Variants in AOPEP observed in about 807,000 individuals in gnomAD.
The protein encoded by AOPEP is aminopeptidase O.
A neutral mutation model predicts 98.1 loss-of-function variants in AOPEP; 77 were observed. The observed-to-expected ratio is 0.78, with a 90% CI of 0.65 to 0.95. The LOEUF is 0.95. Ranked by LOEUF, AOPEP falls within the 40% of genes least tolerant of loss-of-function variation. The pLI is 0.00. For missense variants in AOPEP, 1,024 were observed against 1,024.7 expected, an observed-to-expected ratio of 1.00 and a Z score of 0.01; for synonymous variants, 346 against 365.3, an observed-to-expected ratio of 0.95 and a Z score of 0.60.
intron 9 of AOPEP, among the ~76,000 whole-genome samples, chr9:94,960,929 G>A (rs1226288686): frequency 1.3e-5 from 2 of 150,518 alleles, no homozygotes; most frequent in Admixed American, 6.6e-5. Context: ...GGAGAATGGC[G>A]TGAACCCGGG....
intron 1 of AOPEP, among the ~76,000 whole-genome samples, chr9:94,732,563 T>G (rs950417283): frequency 6.6e-6 from 1 of 152,222 alleles, no homozygotes; most frequent in Non-Finnish European, 1.5e-5. Flanking sequence ...CTATTGGTGT[T>G]TAATAATGAT....
At chr9:94,732,914 A>G (rs1026977812) in intron 1 of AOPEP, among the ~76,000 whole-genome samples, 2 of 152,182 alleles carry the variant, frequency 1.3e-5, no homozygotes, top group African/African-American at 4.8e-5. Flanking sequence ...GCTGTCTGCA[A>G]TCTTGGCCAA....
At chr9:95,101,949 G>T in the AOPEP span, 1 of 1,353,424 alleles carries the variant, frequency 7.4e-7, no homozygotes. Flanking sequence ...CCTGAAAGAA[G>T]CCCTATCCAG....
At position 95,012,989 on chromosome 9, in the gene AOPEP, G is replaced by GC. The variant is rs577606482; in HGVS notation, c.2115+7373_2115+7374insC. Among the ~76,000 whole-genome samples the GC allele has an allele frequency of 9.2e-3, 1,079 of 117,286 alleles. 42 individuals are homozygous for GC. The highest frequency in any genetic ancestry group is 0.015 in the Non-Finnish European group (878 of 58,868). 76.9% of individuals were successfully genotyped at this position (117,286 alleles called of 152,430 possible). A position where few individuals can be genotyped will look rare whatever the true frequency, so the allele number is the denominator to read the frequency against. ...GTAGAGTTTTCCTGTTTTTTTTTTG[G>GC]GGGGGGGGGCAGGGCGATTATCTCT... On this transcript the variant is annotated intron_variant, in intron 13 of 16. Coordinates refer to ENST00000375315, the MANE Select transcript of AOPEP (RefSeq NM_001193329.3).
intron 14 of AOPEP, among the ~76,000 whole-genome samples, chr9:95,069,319 A>G (rs2068238475): frequency 6.6e-6 from 1 of 152,252 alleles, no homozygotes; most frequent in Admixed American, 6.5e-5. Context: ...AGGGCTTATT[A>G]GAGGAGGTAA....
At chr9:94,866,303 G>A (rs983954880) in intron 5 of AOPEP, among the ~76,000 whole-genome samples, 1 of 152,172 alleles carries the variant, frequency 6.6e-6, no homozygotes, top group Non-Finnish European at 1.5e-5. Flanking sequence ...GTTATGAAAT[G>A]GGGACTCTGA....
the AOPEP span, among the ~76,000 whole-genome samples, chr9:95,094,722 G>C: frequency 6.6e-6 from 1 of 152,196 alleles, no homozygotes; most frequent in East Asian, 1.9e-4. Context: ...GTGGAGTGCA[G>C]TGGCACGATC....
chr9:94,886,754 C>T (rs1459472892), intron 5 of AOPEP, among the ~76,000 whole-genome samples: 1 of 152,100 alleles, frequency 6.6e-6, no homozygotes, highest in Non-Finnish European at 1.5e-5. Flanking sequence ...AAATTAAGCT[C>T]ATAAGTCTAA....
chr9:95,126,698 C>A, the AOPEP span: 4 of 1,044,544 alleles, frequency 3.8e-6, no homozygotes, highest in South Asian at 5.3e-5. Flanking sequence ...CTGGCATACT[C>A]CTTTTGGTTA....
At chr9:95,101,771 A>G in the AOPEP span, 1 of 1,614,014 alleles carries the variant, frequency 6.2e-7, no homozygotes, top group Non-Finnish European at 8.5e-7. Flanking sequence ...AGGGCTTTCA[A>G]TGCCAAGACG....
chr9:95,032,761 G>A (rs538814786), intron 13 of AOPEP, among the ~76,000 whole-genome samples: 1 of 152,318 alleles, frequency 6.6e-6, no homozygotes, highest in African/African-American at 2.4e-5. Flanking sequence ...GACTAAGTGA[G>A]GGGAGGGTGG....
At chr9:94,943,573 G>T (rs922250658) in intron 7 of AOPEP, among the ~76,000 whole-genome samples, 1 of 138,888 alleles carries the variant, frequency 7.2e-6, no homozygotes, top group Non-Finnish European at 1.6e-5. Flanking sequence ...CAGCCTAGGC[G>T]ACAGAGTGGG....
intron 13 of AOPEP, among the ~76,000 whole-genome samples, chr9:95,049,498 A>G (rs2066150689): frequency 6.6e-6 from 1 of 152,330 alleles, no homozygotes; most frequent in East Asian, 1.9e-4. Context: ...GGTTTTCTAT[A>G]GACTATTTTC....
chr9:94,754,697 GTCAT>G (rs1836613519), intron 1 of AOPEP, among the ~76,000 whole-genome samples: 1 of 152,134 alleles, frequency 6.6e-6, no homozygotes, highest in Non-Finnish European at 1.5e-5. Context: ...ACTTAACCTG[GTCAT>G]GAACACAAAA....
At chr9:95,108,410 G>A in the AOPEP span, among the ~76,000 whole-genome samples, 3 of 152,180 alleles carry the variant, frequency 2.0e-5, no homozygotes, top group Non-Finnish European at 4.4e-5. Flanking sequence ...AAATGTCAGG[G>A]TTTAGGAGGC....
At chr9:94,854,508 T>C (rs373234492) in intron 5 of AOPEP, among the ~76,000 whole-genome samples, 39 of 152,364 alleles carry the variant, frequency 2.6e-4, no homozygotes, top group African/African-American at 9.4e-4. Flanking sequence ...GACCATCTTC[T>C]GGTTTCCAGC....
chr9:94,734,988 A>G (rs1048827534), intron 1 of AOPEP, among the ~76,000 whole-genome samples: 1 of 152,240 alleles, frequency 6.6e-6, no homozygotes, highest in Admixed American at 6.5e-5. Flanking sequence ...CTGCCAGATT[A>G]TAATACAAGA....
chr9:94,826,912 G>A (rs990401953), intron 5 of AOPEP, among the ~76,000 whole-genome samples: 11 of 152,166 alleles, frequency 7.2e-5, no homozygotes, highest in African/African-American at 2.7e-4. Flanking sequence ...GTTTGCACAA[G>A]TCATTGTTCA....
In AOPEP at chr9:94,993,570, T is replaced by G. The variant is rs1307593299; in HGVS notation, c.1978-11588T>G. Among the ~76,000 whole-genome samples, 4 of 152,218 alleles carry G rather than the reference T, an allele frequency of 2.6e-5. No individual in the cohort carries two copies. The East Asian group carries it at 7.7e-4, about 29-fold the overall frequency. On this transcript the variant is annotated intron_variant, in intron 11 of 16. Transcript: ENST00000375315. ...TGGGGTTGAAATGATCAAACCCAGA[T>G]GCTTTCCTAAAATTATATTTTTGGT...
Sources: allele counts gnomAD v4.1 joint callset (sites outside exome capture counted in the v4.1 genomes callset), GRCh38; gene constraint gnomAD v4.1.1; transcripts MANE v1.5; gene names NCBI Gene and HGNC (gene_info 2026-07-23, HGNC 2026-07-21).